Variants in MYO18B observed in about 807,000 individuals in gnomAD.
The protein encoded by MYO18B is unconventional myosin-XVIIIb.
In MYO18B, 204 loss-of-function variants were observed where a neutral mutation model predicts 273.0. The observed-to-expected ratio is 0.75, with a 90% confidence interval of 0.67 to 0.84. The LOEUF (loss-of-function observed/expected upper bound fraction) is 0.84, where lower values mean the gene tolerates loss of function less well. Among genes scored for constraint, MYO18B ranks in the 40% least tolerant of loss-of-function variants. The probability of loss-of-function intolerance (pLI) is 0.00; values close to 1 mark genes in which losing one functional copy is unlikely to be tolerated. For synonymous variants in MYO18B, 1,330 were observed against 1,305.7 expected (o/e 1.02, Z -0.40); for missense variants, 3,212 against 3,287.6 (o/e 0.98, Z 0.56).
intron 12 of MYO18B, among the ~76,000 whole-genome samples, chr22:25,820,201 G>A (rs2089222712): frequency 6.6e-6 from 1 of 151,018 alleles, no homozygotes; most frequent in Non-Finnish European, 1.5e-5. Flanking sequence ...AACGAGCATA[G>A]TCTGTAAAAT....
At chr22:25,866,668 G>A (rs1249196328) in intron 21 of MYO18B, among the ~76,000 whole-genome samples, 6 of 151,010 alleles carry the variant, frequency 4.0e-5, no homozygotes, top group South Asian at 2.1e-4. Context: ...GTGAAACCTC[G>A]TCTCTGTGAA....
chr22:25,802,031 C>CTGTGCT (rs1389559548), intron 12 of MYO18B, among the ~76,000 whole-genome samples: 1 of 152,198 alleles, frequency 6.6e-6, no homozygotes, highest in Non-Finnish European at 1.5e-5. Flanking sequence ...GCAGAGTTAA[C>CTGTGCT]ACAGACCCTG....
chr22:25,902,083 C>T (rs1361088248), intron 29 of MYO18B, among the ~76,000 whole-genome samples: 4 of 152,068 alleles, frequency 2.6e-5, no homozygotes, highest in Admixed American at 2.0e-4. Flanking sequence ...AGTGATCCTC[C>T]TTCCTCGGCC....
chr22:26,063,196 A>G, the MYO18B span, among the ~76,000 whole-genome samples: 1 of 152,178 alleles, frequency 6.6e-6, no homozygotes, highest in Admixed American at 6.5e-5. Flanking sequence ...CAGATTAATA[A>G]ATGAGAGACT....
At chr22:25,914,677 GTTTTGACTCTTTTTTTTTTTTTTT>G (rs1464601210) in intron 33 of MYO18B, among the ~76,000 whole-genome samples, 1 of 53,192 alleles carries the variant, frequency 1.9e-5, no homozygotes, top group Non-Finnish European at 3.9e-5. Context: ...AATAAGAATA[GTTTTGACTCTTTTTTTTTTTTTTT>G]TTTTTTTTTT....
chr22:25,797,919 G>A (rs922970933), intron 11 of MYO18B, 34 bp from the exon 12 acceptor site: 2 of 1,613,876 alleles, frequency 1.2e-6, no homozygotes, highest in Non-Finnish European at 1.7e-6. Flanking sequence ...CATCGCGATG[G>A]CCTTGTTTTC....
At chr22:25,980,816 G>T (rs1019097612) in intron 39 of MYO18B, among the ~76,000 whole-genome samples, 2 of 152,204 alleles carry the variant, frequency 1.3e-5, no homozygotes, top group Non-Finnish European at 2.9e-5. Flanking sequence ...GCCACCAACT[G>T]CATGGCTTAA....
At chr22:26,019,096 T>C (rs1438687653) in intron 42 of MYO18B, among the ~76,000 whole-genome samples, 1 of 152,202 alleles carries the variant, frequency 6.6e-6, no homozygotes, top group African/African-American at 2.4e-5. Flanking sequence ...CCATGGTTTT[T>C]TTCCAGACTC....
intron 11 of MYO18B, among the ~76,000 whole-genome samples, chr22:25,788,487 AG>A (rs2087495686): frequency 6.6e-6 from 1 of 152,256 alleles, no homozygotes; most frequent in African/African-American, 2.4e-5. Flanking sequence ...GGAGCCTATC[AG>A]GGCAGGCTGC....
At chr22:25,968,168 G>A (rs971828776) in intron 39 of MYO18B, among the ~76,000 whole-genome samples, 4 of 152,208 alleles carry the variant, frequency 2.6e-5, no homozygotes, top group Admixed American at 6.5e-5. Context: ...AGGCCAAGAA[G>A]TAGAATCTCA....
intron 39 of MYO18B, among the ~76,000 whole-genome samples, chr22:25,958,126 G>A (rs993798076): frequency 6.6e-6 from 1 of 151,996 alleles, no homozygotes; most frequent in African/African-American, 2.4e-5. Flanking sequence ...TGTTGGCCAA[G>A]CTAGTCTCGA....
chr22:26,027,208 G>A lies in MYO18B; in HGVS notation c.7234G>A (p.Ala2412Thr), dbSNP rs1936319168. The A allele has an allele frequency of 6.2e-7, 1 of 1,613,786 alleles. No homozygotes were observed. Among genetic ancestry groups the A allele is most frequent in the African/African-American group, 1.3e-5 (1 of 74,882 alleles). The change falls in exon 43 of 44, where the codon GCC becomes ACC. Residue 2412 changes from alanine to threonine, a missense_variant. By Grantham distance (58) the Ala-to-Thr change is moderately conservative (BLOSUM62 0). Coordinates refer to ENST00000335473, the MANE Select transcript of MYO18B (RefSeq NM_032608.7). This position sits in a 1 kb window ranked among gnomAD's most constrained non-coding sequence, Gnocchi z 4.1. ...EPLVFQNRQF[A>T]HLMEEPLGSD... The stretch of plus-strand genomic sequence containing the variant: ...GCTTGTTTTCCAGAACCGCCAGTTT[G>A]CCCACCTGATGGAGGAACCTCTAGG...
intron 30 of MYO18B, 38 bp from the exon 31 acceptor site, chr22:25,903,593 C>T: frequency 6.4e-7 from 1 of 1,558,396 alleles, no homozygotes; most frequent in Non-Finnish European, 8.7e-7. Context: ...GAGGCATACT[C>T]ATGTGACTCC....
intron 25 of MYO18B, among the ~76,000 whole-genome samples, chr22:25,879,700 C>T (rs952987649): frequency 6.6e-6 from 1 of 152,190 alleles, no homozygotes; most frequent in Admixed American, 6.5e-5. Context: ...TCCATTCTTG[C>T]ACTGCTCTAA....
chr22:26,010,512 C>T (rs922265697), intron 42 of MYO18B, among the ~76,000 whole-genome samples: 1 of 152,184 alleles, frequency 6.6e-6, no homozygotes, highest in Admixed American at 6.5e-5. Context: ...AAGTTACAGT[C>T]TCCGAGTCTC....
At chr22:25,872,360 G>A (rs2091071669) in intron 22 of MYO18B, among the ~76,000 whole-genome samples, 1 of 152,210 alleles carries the variant, frequency 6.6e-6, no homozygotes, top group Non-Finnish European at 1.5e-5. Context: ...AGAAAAGGCA[G>A]CTTCATGTTG....
chr22:25,908,585 A>T (rs1321048965), intron 32 of MYO18B, among the ~76,000 whole-genome samples, 153 bp downstream of exon 32: 1 of 152,182 alleles, frequency 6.6e-6, no homozygotes, highest in Admixed American at 6.5e-5. Flanking sequence ...AGTGACTTCA[A>T]AGGTGTAGGA....
intron 12 of MYO18B, among the ~76,000 whole-genome samples, chr22:25,799,131 TTGTGTGTGTGTG>T (rs61488241): frequency 6.9e-6 from 1 of 145,252 alleles, no homozygotes; most frequent in Non-Finnish European, 1.5e-5. Flanking sequence ...GTGTTTACGT[TTGTGTGTGTGTG>T]TGTGTGTGTG....
At position 25,977,766 on chromosome 22, in the gene MYO18B, C is replaced by T. The variant is rs538791690; in HGVS notation, c.6157-14597C>T. Among the ~76,000 whole-genome samples the T allele has an allele frequency of 3.0e-3, 462 of 152,316 alleles. 2 individuals are homozygous for T. Among genetic ancestry groups the T allele is most frequent in the Middle Eastern group, 0.01 (3 of 294 alleles). On this transcript the variant is annotated intron_variant, in intron 39 of 43. Transcript: ENST00000335473. ...AAAGGGAGCTGATGTTTATTAAGCACTTGTTATAGTCTATGCAATGTGTCA... is the reference window on the plus strand; with the variant it reads ...AAAGGGAGCTGATGTTTATTAAGCATTTGTTATAGTCTATGCAATGTGTCA...
Sources: allele counts gnomAD v4.1 joint callset (sites outside exome capture counted in the v4.1 genomes callset), GRCh38; gene constraint gnomAD v4.1.1; non-coding constraint Gnocchi (gnomAD v3.1); transcripts MANE v1.5; gene names NCBI Gene and HGNC (gene_info 2026-07-23, HGNC 2026-07-21).